Variants in KIF26B observed in about 807,000 individuals in gnomAD.
The protein encoded by KIF26B is kinesin family member 26B.
In KIF26B, 63 loss-of-function variants were observed where a neutral mutation model predicts 151.2. That is an observed-to-expected ratio of 0.42 (90% CI 0.34 to 0.51). The LOEUF is 0.51. Ranked by LOEUF, KIF26B falls within the 20% of genes least tolerant of loss-of-function variation. The pLI is 0.07. For missense variants in KIF26B, 2,813 were observed against 2,913.6 expected, an observed-to-expected ratio of 0.97 and a Z score of 0.79; for synonymous variants, 1,357 against 1,262.1, an observed-to-expected ratio of 1.08 and a Z score of -1.59.
At chr1:245,586,183 G>GTGTGTGTGTA (rs1234367583) in intron 5 of KIF26B, among the ~76,000 whole-genome samples, 1 of 128,816 alleles carries the variant, frequency 7.8e-6, no homozygotes, top group African/African-American at 2.7e-5. Flanking sequence ...GTGTGTGTGT[G>GTGTGTGTGTA]TGTGTGTGTG....
chr1:245,561,946 G>A (rs34113098), intron 5 of KIF26B, among the ~76,000 whole-genome samples: 21,023 of 152,116 alleles, frequency 0.14, 1,818 homozygotes, highest in Non-Finnish European at 0.19. Context: ...ACAGCTTTCT[G>A]TGGCCTGATT....
intron 3 of KIF26B, among the ~76,000 whole-genome samples, chr1:245,402,921 C>T (rs1674041555): frequency 6.6e-6 from 1 of 152,182 alleles, no homozygotes; most frequent in Non-Finnish European, 1.5e-5. Context: ...CACAACTCCT[C>T]ATTTTGTAAG....
At chr1:245,364,005 T>G (rs976003296) in intron 2 of KIF26B, among the ~76,000 whole-genome samples, 1 of 152,136 alleles carries the variant, frequency 6.6e-6, no homozygotes, top group African/African-American at 2.4e-5. Flanking sequence ...GGATTGGTCC[T>G]GTGAGTCACT....
At chr1:245,309,155 T>C (rs1671616236) in intron 2 of KIF26B, among the ~76,000 whole-genome samples, 1 of 152,174 alleles carries the variant, frequency 6.6e-6, no homozygotes. Flanking sequence ...GAGGGGCTCA[T>C]GTGCATCAGG....
chr1:245,277,888 C>T (rs1051451779), intron 2 of KIF26B, among the ~76,000 whole-genome samples: 10 of 152,086 alleles, frequency 6.6e-5, no homozygotes, highest in African/African-American at 2.4e-4. Flanking sequence ...TCATTCTTAT[C>T]CCTGAATATC....
intron 4 of KIF26B, among the ~76,000 whole-genome samples, chr1:245,485,273 TG>T (rs1354871610): frequency 2.8e-4 from 42 of 152,256 alleles, no homozygotes; most frequent in African/African-American, 9.1e-4. Flanking sequence ...GAAAAAGTTG[TG>T]GAACTTGATA....
chr1:245,251,753 AC>A (rs1300512079), intron 2 of KIF26B, among the ~76,000 whole-genome samples: 1 of 152,156 alleles, frequency 6.6e-6, no homozygotes, highest in Non-Finnish European at 1.5e-5. Flanking sequence ...CTATCTCTGA[AC>A]TAAATTCCAC....
chr1:245,405,050 A>G (rs1674101816), intron 3 of KIF26B, among the ~76,000 whole-genome samples: 1 of 152,240 alleles, frequency 6.6e-6, no homozygotes, highest in African/African-American at 2.4e-5. Context: ...AGCATATTTT[A>G]TTAATCCTCC....
chr1:245,196,058 G>T (rs1469642056), intron 2 of KIF26B, among the ~76,000 whole-genome samples: 3 of 152,112 alleles, frequency 2.0e-5, no homozygotes, highest in Non-Finnish European at 4.4e-5. Context: ...GAGGATGATA[G>T]AACTATTTGT....
At chr1:245,580,863 C>A (rs184962874) in intron 5 of KIF26B, among the ~76,000 whole-genome samples, 1 of 152,218 alleles carries the variant, frequency 6.6e-6, no homozygotes, top group African/African-American at 2.4e-5. Flanking sequence ...CCTCCTTCCT[C>A]GTTCTGCCCA....
intron 4 of KIF26B, among the ~76,000 whole-genome samples, chr1:245,434,708 C>G (rs778128410): frequency 1.3e-5 from 2 of 152,122 alleles, no homozygotes; most frequent in Non-Finnish European, 2.9e-5. Context: ...CCCCAGCTCT[C>G]TTGTCTCTAG....
At chr1:245,402,243 A>G (rs1439106505) in intron 3 of KIF26B, among the ~76,000 whole-genome samples, 2 of 152,248 alleles carry the variant, frequency 1.3e-5, no homozygotes, top group African/African-American at 4.8e-5. Flanking sequence ...ATTACAGAGA[A>G]AAAAGGTTCA....
intron 9 of KIF26B, among the ~76,000 whole-genome samples, chr1:245,619,710 C>T (rs922431695): frequency 6.6e-6 from 1 of 151,308 alleles, no homozygotes. Context: ...GTCAGGAGTT[C>T]AAGACCAGCG....
chr1:245,261,287 A>C (rs1406177217), intron 2 of KIF26B, among the ~76,000 whole-genome samples: 1 of 151,876 alleles, frequency 6.6e-6, no homozygotes, highest in Non-Finnish European at 1.5e-5. Flanking sequence ...CTGGGATTAC[A>C]GGCCTGGCTA....
chr1:245,365,632 A>G (rs1672931060), intron 2 of KIF26B, among the ~76,000 whole-genome samples: 1 of 152,146 alleles, frequency 6.6e-6, no homozygotes, highest in South Asian at 2.1e-4. Flanking sequence ...CTAGAGGTAA[A>G]TAAGCCTTGA....
chr1:245,195,617 C>T (rs1004556243), intron 2 of KIF26B, among the ~76,000 whole-genome samples: 3 of 152,174 alleles, frequency 2.0e-5, no homozygotes, highest in African/African-American at 7.2e-5. Context: ...CTTCTTTGCC[C>T]CTGGGGCTCC....
chr1:245,358,071 C>T lies in KIF26B; in HGVS notation c.466-8763C>T, dbSNP rs191365947. 2.0e-3 allele frequency among the ~76,000 whole-genome samples: 312 copies of T among 152,212 alleles called. 1 individual carries two copies. The highest frequency in any genetic ancestry group is 2.0e-3 in the Non-Finnish European group (134 of 68,018). ...AGCTGGGACTAAAGGCATGCACCAC[C>T]GCACCTGGCTAATTTTTGTATTTTT... On this transcript the variant is annotated intron_variant, in intron 2 of 14. Coordinates refer to ENST00000407071, the MANE Select transcript of KIF26B (RefSeq NM_018012.4). The surrounding 1 kb of genome is among the most constrained non-coding windows in gnomAD (Gnocchi z 4.1).
In KIF26B at chr1:245,563,862, G is replaced by A. The variant is rs1403252787; in HGVS notation, c.1350+22912G>A. Among the ~76,000 whole-genome samples the A allele has an allele frequency of 6.6e-6, 1 of 152,128 alleles. No homozygotes were observed. On this transcript the variant is annotated intron_variant, in intron 5 of 14. Coordinates refer to ENST00000407071, the MANE Select transcript of KIF26B (RefSeq NM_018012.4). This position sits in a 1 kb window ranked among gnomAD's most constrained non-coding sequence, Gnocchi z 4.6. ...GGACCCGGGAGACAGTGTTGAACTT[G>A]ACCTTGCTCTCCTCCTCGGGTCAGG... is the stretch of plus-strand genomic sequence containing the variant.
At position 245,476,606 on chromosome 1, in the gene KIF26B, G is replaced by A. The variant is rs1237790272; in HGVS notation, c.1166+56861G>A. ...GCTGAAGTGCAGTGGCGTGACCTTGGCTCACTGCAGCCTTGACCTCCCGGG... is the reference window on the plus strand; with the variant it reads ...GCTGAAGTGCAGTGGCGTGACCTTGACTCACTGCAGCCTTGACCTCCCGGG... On this transcript the variant is annotated intron_variant, in intron 4 of 14. Transcript: ENST00000407071. Among the ~76,000 whole-genome samples, 7 of 151,386 alleles carry A rather than the reference G, an allele frequency of 4.6e-5. 1 individual carries two copies. Among genetic ancestry groups the A allele is most frequent in the Middle Eastern group, 3.4e-3 (1 of 294 alleles).
Sources: allele counts gnomAD v4.1 joint callset (sites outside exome capture counted in the v4.1 genomes callset), GRCh38; gene constraint gnomAD v4.1.1; non-coding constraint Gnocchi (gnomAD v3.1); transcripts MANE v1.5; gene names NCBI Gene and HGNC (gene_info 2026-07-23, HGNC 2026-07-21).